The following CASK variants were observed in gnomAD, a reference collection of about 807,000 sequenced individuals.
CASK encodes the protein calcium/calmodulin dependent serine protein kinase, also known as peripheral plasma membrane protein CASK.
Under a neutral mutation model 82.9 loss-of-function variants are expected in CASK, and 4 were observed. That is an observed-to-expected ratio of 0.05 (90% CI 0.02 to 0.11). The LOEUF (loss-of-function observed/expected upper bound fraction) is 0.11, where lower values mean the gene tolerates loss of function less well. Among genes scored for constraint, CASK ranks in the 10% least tolerant of loss-of-function variants. CASK has a pLI of 1.00. For synonymous variants in CASK, 259 were observed against 253.5 expected, an observed-to-expected ratio of 1.02 and a Z score of -0.20; for missense variants, 358 against 720.9, an observed-to-expected ratio of 0.50 and a Z score of 5.76.
At chrX:41,763,426 C>T (rs906247321) in intron 3 of CASK, among the ~76,000 whole-genome samples, 13 of 111,118 alleles carry the variant, frequency 1.2e-4, no homozygotes, top group African/African-American at 3.6e-4. Flanking sequence ...CTTTGGGAGG[C>T]GGAGGTGGGT....
intron 8 of CASK, among the ~76,000 whole-genome samples, chrX:41,645,985 C>T (rs2066751033): frequency 9.0e-6 from 1 of 111,365 alleles, no homozygotes; most frequent in Admixed American, 9.6e-5. Flanking sequence ...GACCGTTGCC[C>T]TGCTCAACCA....
intron 3 of CASK, among the ~76,000 whole-genome samples, chrX:41,752,245 T>A (rs1410428842): frequency 9.1e-6 from 1 of 110,492 alleles, no homozygotes. Flanking sequence ...GAAATCATGC[T>A]AAATAGCCAA....
chrX:41,675,780 C>T (rs2067256700), intron 5 of CASK: 8 of 1,199,001 alleles, frequency 6.7e-6, no homozygotes. Flanking sequence ...CCTTCTCCTG[C>T]TTCAGCTTCG....
chrX:41,822,557 CAAAAAAAAAAAAAAA>C (rs61374081), intron 2 of CASK, among the ~76,000 whole-genome samples: 14 of 50,682 alleles, frequency 2.8e-4, no homozygotes, highest in South Asian at 3.8e-3. Context: ...GACTCCGTCT[CAAAAAAAAAAAAAAA>C]AAAAAAAAAA....
intron 11 of CASK, among the ~76,000 whole-genome samples, chrX:41,620,477 T>C: frequency 8.9e-6 from 1 of 112,005 alleles, no homozygotes; most frequent in Non-Finnish European, 1.9e-5. Context: ...ATACATTGTA[T>C]TACTACACAC....
At chrX:41,592,551 G>A (rs1015042569) in intron 12 of CASK, among the ~76,000 whole-genome samples, 13 of 110,815 alleles carry the variant, frequency 1.2e-4, no homozygotes. Flanking sequence ...TCTTAAGAAC[G>A]TGTGGCCGAA....
intron 8 of CASK, among the ~76,000 whole-genome samples, chrX:41,642,631 T>C (rs1284496346): frequency 3.6e-5 from 4 of 112,320 alleles, no homozygotes; most frequent in Non-Finnish European, 7.5e-5. Context: ...AAGTTCTTTG[T>C]AGATTCTGGA....
intron 5 of CASK, among the ~76,000 whole-genome samples, chrX:41,732,585 C>T (rs926750917): frequency 9.0e-6 from 1 of 111,132 alleles, no homozygotes; most frequent in African/African-American, 3.3e-5. Context: ...TCTGATGGCC[C>T]CTACACTCAA....
chrX:41,611,460 T>C (rs1441880443), intron 11 of CASK, among the ~76,000 whole-genome samples: 4 of 111,567 alleles, frequency 3.6e-5, no homozygotes, highest in Admixed American at 9.5e-5. Context: ...TCATACAAAA[T>C]GGAAAATAAA....
intron 1 of CASK, among the ~76,000 whole-genome samples, chrX:41,903,281 G>A (rs964336843): frequency 1.8e-5 from 2 of 112,154 alleles, no homozygotes; most frequent in Non-Finnish European, 3.8e-5. Flanking sequence ...GTTGGGAGAC[G>A]GCAGAAGGAG....
chrX:41,616,550 T>C (rs1202164946), intron 11 of CASK, among the ~76,000 whole-genome samples: 1 of 111,522 alleles, frequency 9.0e-6, no homozygotes, highest in Non-Finnish European at 1.9e-5. Context: ...TGCATGAATA[T>C]GGAGGTTGGA....
chrX:41,691,822 C>G (rs1044287125), intron 5 of CASK, among the ~76,000 whole-genome samples: 6 of 70,086 alleles, frequency 8.6e-5, no homozygotes, highest in African/African-American at 3.7e-4. Context: ...GCCTGGGTGA[C>G]AGAGTGAGAC....
chrX:41,796,741 T>A (rs2069862669), intron 2 of CASK, among the ~76,000 whole-genome samples: 1 of 111,827 alleles, frequency 8.9e-6, no homozygotes, highest in Admixed American at 9.5e-5. Flanking sequence ...CCACTTCTCC[T>A]CTACTTCCTA....
chrX:41,581,176 C>G (rs1320551674), intron 14 of CASK, among the ~76,000 whole-genome samples: 1 of 110,794 alleles, frequency 9.0e-6, no homozygotes, highest in East Asian at 2.8e-4. Context: ...CTCAGGAGTT[C>G]AAGACCAGTC....
chrX:41,791,540 T>A (rs757605333), intron 2 of CASK, among the ~76,000 whole-genome samples: 1 of 109,701 alleles, frequency 9.1e-6, no homozygotes, highest in East Asian at 2.9e-4. Flanking sequence ...CTGACCAATA[T>A]GGTGAAACCC....
chrX:41,794,729 G>A (rs1269074216), intron 2 of CASK, among the ~76,000 whole-genome samples: 1 of 112,261 alleles, frequency 8.9e-6, no homozygotes, highest in Admixed American at 9.5e-5. Context: ...GTGCATACAC[G>A]TTCTTCAATA....
intron 1 of CASK, among the ~76,000 whole-genome samples, chrX:41,890,895 T>C (rs187480442): frequency 8.2e-4 from 87 of 106,278 alleles, no homozygotes; most frequent in African/African-American, 2.6e-3. Context: ...ATAATTTCTT[T>C]TTTTTTTTTT....
intron 10 of CASK, chrX:41,624,117 C>G: frequency 6.9e-6 from 2 of 291,222 alleles, no homozygotes; most frequent in Non-Finnish European, 1.3e-5. Flanking sequence ...CATACAGCCA[C>G]AGTATGACAA....
chrX:41,523,677 G>A (rs1163148356), intron 26 of CASK, among the ~76,000 whole-genome samples: 1 of 112,092 alleles, frequency 8.9e-6, no homozygotes, highest in African/African-American at 3.2e-5. Flanking sequence ...CCACTCCAGG[G>A]GCCACACAAT....
Sources: allele counts gnomAD v4.1 joint callset (sites outside exome capture counted in the v4.1 genomes callset), GRCh38; gene constraint gnomAD v4.1.1; transcripts MANE v1.5; gene names NCBI Gene and HGNC (gene_info 2026-07-23, HGNC 2026-07-21).